Variants in SRGAP3 observed in about 807,000 individuals in gnomAD.
SRGAP3 encodes the protein SLIT-ROBO Rho GTPase-activating protein 3.
Under a neutral mutation model 121.1 loss-of-function variants are expected in SRGAP3, and 39 were observed. That is an observed-to-expected ratio of 0.32 (90% CI 0.25 to 0.42). The LOEUF is 0.42. SRGAP3 is among the 10% of genes least tolerant of loss of function. SRGAP3 has a pLI of 1.00. For synonymous variants in SRGAP3, 601 were observed against 570.0 expected (o/e 1.05, Z -0.77); for missense variants, 1,213 against 1,470.6 (o/e 0.82, Z 2.86).
intron 1 of SRGAP3, among the ~76,000 whole-genome samples, chr3:9,342,126 G>T (rs1020140832): frequency 6.6e-6 from 1 of 152,186 alleles, no homozygotes; most frequent in Non-Finnish European, 1.5e-5. Context: ...CGAGGCAGGC[G>T]AATCACCTGA....
intron 18 of SRGAP3, among the ~76,000 whole-genome samples, chr3:8,997,903 C>A (rs567263047): frequency 6.7e-6 from 1 of 149,122 alleles, no homozygotes; most frequent in East Asian, 1.9e-4. Flanking sequence ...TTTCTTGAGA[C>A]AGGGTCTCAC....
At chr3:9,150,768 A>G (rs922867844) in intron 1 of SRGAP3, among the ~76,000 whole-genome samples, 2 of 152,216 alleles carry the variant, frequency 1.3e-5, no homozygotes, top group Admixed American at 6.5e-5. Flanking sequence ...GAAAAAGAAC[A>G]TCTCAACGGA....
At chr3:9,114,114 T>C (rs1948723461) in intron 2 of SRGAP3, among the ~76,000 whole-genome samples, 1 of 152,132 alleles carries the variant, frequency 6.6e-6, no homozygotes, top group Admixed American at 6.5e-5. Flanking sequence ...GTTGGGGTGC[T>C]ATTGAGTCAA....
rs368118218 is a variant in SRGAP3, at chr3:9,069,676, C to T, written c.487-5095G>A. 3.5e-4 allele frequency among the ~76,000 whole-genome samples: 54 copies of T among 152,272 alleles called. 1 individual carries two copies. Among genetic ancestry groups the T allele is most frequent in the South Asian group, 6.2e-4 (3 of 4,816 alleles). On this transcript the variant is annotated intron_variant, in intron 4 of 21. Transcript: ENST00000383836. ...AAAAGTAGCAAGAGCGGGCTGGGCG[C>T]GGTGGCTCATGCCTGTAATCCCAGC... is the stretch of plus-strand genomic sequence containing the variant.
intron 1 of SRGAP3, among the ~76,000 whole-genome samples, chr3:9,224,251 G>C (rs1446039056): frequency 6.6e-6 from 1 of 152,186 alleles, no homozygotes; most frequent in East Asian, 1.9e-4. Flanking sequence ...GAAGCCCCCA[G>C]GGAAGGCTGA....
chr3:9,335,719 A>T (rs916747137), intron 1 of SRGAP3, among the ~76,000 whole-genome samples: 6 of 152,190 alleles, frequency 3.9e-5, no homozygotes, highest in African/African-American at 1.2e-4. Flanking sequence ...TATCGGGAAG[A>T]CTTCACACTG....
chr3:9,314,940 C>A (rs1184565657), intron 3 of SRGAP3, among the ~76,000 whole-genome samples: 1 of 152,208 alleles, frequency 6.6e-6, no homozygotes, highest in Non-Finnish European at 1.5e-5. Flanking sequence ...CACATTTGAA[C>A]TCCAGACCAG....
At chr3:9,201,304 A>G (rs1220667691) in intron 1 of SRGAP3, among the ~76,000 whole-genome samples, 1 of 152,162 alleles carries the variant, frequency 6.6e-6, no homozygotes, top group Non-Finnish European at 1.5e-5. Context: ...CTCCTCCGAC[A>G]TCCACTGGCC....
At chr3:9,361,887 G>C (rs779868221) in intron 1 of SRGAP3, among the ~76,000 whole-genome samples, 1 of 152,142 alleles carries the variant, frequency 6.6e-6, no homozygotes, top group Non-Finnish European at 1.5e-5. Flanking sequence ...TTGAAGTCAA[G>C]CGGTAGAAAA....
At chr3:9,301,733 G>T (rs189175957) in intron 3 of SRGAP3, among the ~76,000 whole-genome samples, 1 of 152,376 alleles carries the variant, frequency 6.6e-6, no homozygotes, top group Non-Finnish European at 1.5e-5. Flanking sequence ...AGGAATGAGC[G>T]TGGGACGCAC....
intron 1 of SRGAP3, among the ~76,000 whole-genome samples, chr3:9,156,446 T>C (rs545920294): frequency 6.6e-6 from 1 of 152,194 alleles, no homozygotes; most frequent in Non-Finnish European, 1.5e-5. Context: ...TTGGGGACAT[T>C]GCAGGTCTTG....
At chr3:8,998,744 A>C (rs542640034) in intron 18 of SRGAP3, among the ~76,000 whole-genome samples, 52 of 152,276 alleles carry the variant, frequency 3.4e-4, no homozygotes, top group Non-Finnish European at 6.8e-4. Context: ...CACTCAATAC[A>C]TATTTATTGC....
At chr3:9,206,663 T>G (rs1952276740) in intron 1 of SRGAP3, among the ~76,000 whole-genome samples, 2 of 152,112 alleles carry the variant, frequency 1.3e-5, no homozygotes, top group African/African-American at 4.8e-5. Flanking sequence ...ACACTTCCAC[T>G]GAGATCTGCA....
At chr3:9,154,429 C>T (rs1291316541) in intron 1 of SRGAP3, among the ~76,000 whole-genome samples, 1 of 152,052 alleles carries the variant, frequency 6.6e-6, no homozygotes, top group African/African-American at 2.4e-5. Flanking sequence ...TCCACCTCGC[C>T]TCCCCCTGCT....
At chr3:9,117,081 T>C (rs1331191396) in intron 2 of SRGAP3, among the ~76,000 whole-genome samples, 1 of 152,194 alleles carries the variant, frequency 6.6e-6, no homozygotes, top group Non-Finnish European at 1.5e-5. Flanking sequence ...GTCTGGAAAG[T>C]AGGACCCCAG....
At chr3:9,128,778 T>C (rs1015264846) in intron 1 of SRGAP3, among the ~76,000 whole-genome samples, 1 of 152,264 alleles carries the variant, frequency 6.6e-6, no homozygotes, top group African/African-American at 2.4e-5. Flanking sequence ...GGAATGCTAC[T>C]GCTCCCAACA....
chr3:9,321,028 T>C (rs769564160), intron 3 of SRGAP3, among the ~76,000 whole-genome samples: 3 of 151,478 alleles, frequency 2.0e-5, no homozygotes, highest in Non-Finnish European at 4.4e-5. Flanking sequence ...TAGAACGTGG[T>C]GGAAGTAATG....
chr3:9,024,472 A>C (rs2662089), intron 14 of SRGAP3, among the ~76,000 whole-genome samples: 69,677 of 152,004 alleles, frequency 0.46, 16,469 homozygotes, highest in South Asian at 0.55. Context: ...AATATTCAAA[A>C]GCAGAGGTGT....
chr3:9,271,413 G>C (rs961724672), intron 3 of SRGAP3, among the ~76,000 whole-genome samples: 1 of 152,226 alleles, frequency 6.6e-6, no homozygotes, highest in Non-Finnish European at 1.5e-5. Context: ...GAGCCAAGGA[G>C]CATTATCTCA....
Sources: allele counts gnomAD v4.1 joint callset (sites outside exome capture counted in the v4.1 genomes callset), GRCh38; gene constraint gnomAD v4.1.1; transcripts MANE v1.5; gene names NCBI Gene and HGNC (gene_info 2026-07-23, HGNC 2026-07-21).